PHF14: variants seen among roughly 807,000 people sequenced by gnomAD.
The protein encoded by PHF14 is PHD finger protein 14.
In PHF14, 55 loss-of-function variants were observed where a neutral mutation model predicts 117.9. The observed-to-expected ratio is 0.47, with a 90% CI of 0.38 to 0.58. The LOEUF (loss-of-function observed/expected upper bound fraction) is 0.58, where lower values mean the gene tolerates loss of function less well. PHF14 is among the 20% of genes least tolerant of loss of function. The pLI is 0.00. For missense variants in PHF14, 978 were observed against 1,122.2 expected, an observed-to-expected ratio of 0.87 and a Z score of 1.84; for synonymous variants, 409 against 368.6, an observed-to-expected ratio of 1.11 and a Z score of -1.26.
chr7:11,107,153 C>T, intron 16 of PHF14: 3 of 984,444 alleles, frequency 3.0e-6, no homozygotes, highest in Non-Finnish European at 2.4e-6. Flanking sequence ...GACTTTTGGC[C>T]TCTTAGGCAT....
chr7:11,124,744 T>A (rs1721228417), intron 17 of PHF14, among the ~76,000 whole-genome samples: 2 of 152,128 alleles, frequency 1.3e-5, no homozygotes, highest in African/African-American at 4.8e-5. Context: ...TTTTATATAT[T>A]AAAATAGGTA....
At chr7:11,139,604 T>C (rs978493028) in intron 17 of PHF14, among the ~76,000 whole-genome samples, 20 of 152,180 alleles carry the variant, frequency 1.3e-4, no homozygotes, top group African/African-American at 4.6e-4. Context: ...AGTTGTACTA[T>C]ATTTAAATGA....
chr7:11,090,654 C>T (rs902745089), intron 16 of PHF14, among the ~76,000 whole-genome samples: 2 of 152,080 alleles, frequency 1.3e-5, no homozygotes, highest in African/African-American at 4.8e-5. Flanking sequence ...TTGTTTTTCC[C>T]TTTAAAAATA....
In PHF14 at chr7:10,983,114, A is replaced by C; in HGVS notation, c.855A>C (p.Glu285Asp). The C allele has an allele frequency of 6.3e-7, 1 of 1,599,270 alleles. No homozygotes were observed. The highest frequency in any genetic ancestry group is 8.5e-7 in the Non-Finnish European group (1 of 1,179,588). Residue 285 changes from glutamate (E) to aspartate (D), a missense_variant, in exon 3 of 18, where the codon GAA becomes GAC. This residue lies in a region of PHF14 where 414 missense variants were observed against 376.4 expected (regional missense o/e 1.10). Coordinates refer to ENST00000634607, the MANE Select transcript of PHF14 (RefSeq NM_001007157.2). ...GCAGAAACAGTGCTGATGATGAGGA[A>C]CTGACCAATGATAGCCTGACCCTAT... ...VLSRNSADDE[E>D]LTNDSLTLSQ...
intron 16 of PHF14, among the ~76,000 whole-genome samples, chr7:11,068,963 T>C (rs35507980): frequency 0.36 from 55,382 of 152,048 alleles, 10,687 homozygotes; most frequent in East Asian, 0.75. Flanking sequence ...TTTTTAAGAA[T>C]GTAATGTTTT....
Position 11,130,851 on chromosome 7 carries a change from C to T in PHF14, c.2772+19384C>T, listed in dbSNP as rs1325897459. Reference sequence around the variant, plus strand: ...CACCACTCCCTCTCTACCATCAAACCACTGGCAACCACAGATCCTTTTGCT... The same window carrying T: ...CACCACTCCCTCTCTACCATCAAACTACTGGCAACCACAGATCCTTTTGCT... On this transcript the variant is annotated intron_variant, in intron 17 of 17. Coordinates refer to ENST00000634607, the MANE Select transcript of PHF14 (RefSeq NM_001007157.2). This position sits in a 1 kb window ranked among gnomAD's most constrained non-coding sequence, Gnocchi z 4.2. Among the ~76,000 whole-genome samples the T allele has an allele frequency of 6.6e-6, 1 of 151,956 alleles. No individual in the cohort carries two copies. Among genetic ancestry groups the T allele is most frequent in the Non-Finnish European group, 1.5e-5 (1 of 67,918 alleles).
intron 16 of PHF14, chr7:11,103,770 G>A (rs1266816011): frequency 1.0e-6 from 1 of 984,912 alleles, no homozygotes; most frequent in Non-Finnish European, 1.2e-6. Context: ...GTGATCTCTA[G>A]TTACAGTGAG....
intron 14 of PHF14, among the ~76,000 whole-genome samples, chr7:11,053,672 T>C (rs1784920768): frequency 6.6e-6 from 1 of 152,086 alleles, no homozygotes; most frequent in Non-Finnish European, 1.5e-5. Flanking sequence ...ACTTTGGAGT[T>C]ATCATATAGA....
intron 4 of PHF14, among the ~76,000 whole-genome samples, chr7:11,005,861 C>T (rs772337847): frequency 7.6e-6 from 1 of 131,338 alleles, no homozygotes; most frequent in Admixed American, 8.9e-5. Flanking sequence ...GGTGAGATCT[C>T]GGCTCACTGC....
intron 4 of PHF14, among the ~76,000 whole-genome samples, chr7:10,993,632 A>T (rs560456774): frequency 6.6e-6 from 1 of 152,302 alleles, no homozygotes; most frequent in African/African-American, 2.4e-5. Context: ...CCAGATTCTG[A>T]AGAAAAATGA....
chr7:10,992,714 AT>A (rs1455621062), intron 4 of PHF14, among the ~76,000 whole-genome samples: 1 of 152,152 alleles, frequency 6.6e-6, no homozygotes, highest in African/African-American at 2.4e-5. Context: ...CCACATAATT[AT>A]CAAAGTCAGG....
At chr7:10,995,736 C>T (rs1346804491) in intron 4 of PHF14, among the ~76,000 whole-genome samples, 6 of 152,190 alleles carry the variant, frequency 3.9e-5, no homozygotes, top group East Asian at 3.9e-4. Flanking sequence ...TTGAGAGCAG[C>T]GCCGGCGGGC....
chr7:11,079,270 G>A (rs1013695967), intron 16 of PHF14, among the ~76,000 whole-genome samples: 7 of 152,132 alleles, frequency 4.6e-5, no homozygotes, highest in Non-Finnish European at 7.4e-5. Context: ...TTGTGAGATG[G>A]CTCGGTAGCT....
intron 14 of PHF14, among the ~76,000 whole-genome samples, chr7:11,057,665 T>C (rs1402082892): frequency 6.6e-6 from 1 of 152,184 alleles, no homozygotes; most frequent in African/African-American, 2.4e-5. Flanking sequence ...TGAGCCACTG[T>C]TCCCGGCCTG....
chr7:11,166,474 A>G, intron 17 of PHF14, among the ~76,000 whole-genome samples: 1 of 152,256 alleles, frequency 6.6e-6, no homozygotes, highest in South Asian at 2.1e-4. Context: ...TTGCTGTCTG[A>G]GTTACTTTAA....
chr7:11,094,336 T>C (rs1260002952), intron 16 of PHF14, among the ~76,000 whole-genome samples: 1 of 152,220 alleles, frequency 6.6e-6, no homozygotes, highest in East Asian at 1.9e-4. Flanking sequence ...TTCTAGAGTG[T>C]TTGGGGGTAG....
intron 16 of PHF14, among the ~76,000 whole-genome samples, chr7:11,088,687 T>C (rs780568993): frequency 6.6e-6 from 1 of 152,164 alleles, no homozygotes; most frequent in Non-Finnish European, 1.5e-5. Flanking sequence ...GAAATGCTAA[T>C]ATAAAAAGAC....
chr7:11,124,615 G>A (rs1241794768), intron 17 of PHF14, among the ~76,000 whole-genome samples: 1 of 151,630 alleles, frequency 6.6e-6, no homozygotes, highest in African/African-American at 2.4e-5. Flanking sequence ...TCTCCTTTCT[G>A]CAGATGAAAG....
intron 5 of PHF14, among the ~76,000 whole-genome samples, chr7:11,019,634 T>C (rs1186093251): frequency 2.6e-5 from 4 of 152,186 alleles, no homozygotes; most frequent in African/African-American, 9.6e-5. Flanking sequence ...TCTCTCTTTT[T>C]TCCTCAGCCT....
Sources: allele counts gnomAD v4.1 joint callset (sites outside exome capture counted in the v4.1 genomes callset), GRCh38; gene constraint gnomAD v4.1.1; regional missense constraint gnomAD v4.1.1; non-coding constraint Gnocchi (gnomAD v3.1); transcripts MANE v1.5; gene names NCBI Gene and HGNC (gene_info 2026-07-23, HGNC 2026-07-21).